The following NCOA1 variants were observed in gnomAD, a reference collection of about 807,000 sequenced individuals.
NCOA1 encodes the protein Hin-2 protein.
Under a neutral mutation model 150.9 loss-of-function variants are expected in NCOA1, and 35 were observed. The ratio of observed to expected loss-of-function variants is 0.23; its 90% CI spans 0.18 to 0.31. The LOEUF is 0.31. NCOA1 is among the 10% of genes least tolerant of loss of function. NCOA1 has a pLI of 1.00. For missense variants in NCOA1, 1,491 were observed against 1,749.3 expected, an observed-to-expected ratio of 0.85 and a Z score of 2.63; for synonymous variants, 590 against 630.0, an observed-to-expected ratio of 0.94 and a Z score of 0.95.
intron 19 of NCOA1, among the ~76,000 whole-genome samples, chr2:24,745,518 T>C (rs778616678): frequency 5.3e-5 from 8 of 152,198 alleles, no homozygotes; most frequent in Non-Finnish European, 1.0e-4. Flanking sequence ...TTGGTTTCTT[T>C]AGTGTATCTG....
intron 1 of NCOA1, among the ~76,000 whole-genome samples, chr2:24,543,521 G>A (rs1665485269): frequency 1.3e-5 from 2 of 152,042 alleles, no homozygotes. Context: ...TGAGTTTCTA[G>A]TCTAGCAAGG....
At chr2:24,601,850 G>A (rs530378435) in intron 3 of NCOA1, among the ~76,000 whole-genome samples, 1 of 152,002 alleles carries the variant, frequency 6.6e-6, no homozygotes, top group African/African-American at 2.4e-5. Context: ...TGCCCAGGCT[G>A]GTCGTAAACT....
chr2:24,643,035 A>T (rs1267484041), intron 3 of NCOA1, among the ~76,000 whole-genome samples: 4 of 152,320 alleles, frequency 2.6e-5, no homozygotes, highest in East Asian at 1.9e-4. Context: ...GTGAATCTCA[A>T]TTGTGGTGTA....
At chr2:24,632,283 A>G (rs1669741638) in intron 3 of NCOA1, among the ~76,000 whole-genome samples, 1 of 152,182 alleles carries the variant, frequency 6.6e-6, no homozygotes, top group Non-Finnish European at 1.5e-5. Flanking sequence ...TTGGACTGAT[A>G]CTGGTGAATC....
chr2:24,666,891 A>G (rs1256116358), intron 6 of NCOA1, among the ~76,000 whole-genome samples: 1 of 152,122 alleles, frequency 6.6e-6, no homozygotes, highest in African/African-American at 2.4e-5. Context: ...TATTTACTGG[A>G]ACCCCATACC....
chr2:24,718,619 G>GA (rs1674178172), intron 14 of NCOA1, among the ~76,000 whole-genome samples: 1 of 151,058 alleles, frequency 6.6e-6, no homozygotes, highest in Non-Finnish European at 1.5e-5. Flanking sequence ...ATCACTTGAG[G>GA]TCAGGAGTTC....
chr2:24,546,133 T>C (rs1665597882), intron 1 of NCOA1, among the ~76,000 whole-genome samples: 2 of 151,948 alleles, frequency 1.3e-5, no homozygotes. Flanking sequence ...ATTTAGTGTC[T>C]ATCAAAAGTT....
intron 1 of NCOA1, among the ~76,000 whole-genome samples, chr2:24,544,428 CT>C (rs1241363548): frequency 1.3e-5 from 2 of 152,074 alleles, no homozygotes; most frequent in Non-Finnish European, 2.9e-5. Context: ...GGTCAAGGAT[CT>C]TAGGAACACG....
chr2:24,499,271 A>G (rs1663355958), intron 1 of NCOA1, among the ~76,000 whole-genome samples: 1 of 152,136 alleles, frequency 6.6e-6, no homozygotes, highest in South Asian at 2.1e-4. Context: ...ACTGTTTTAT[A>G]TATTGTTACT....
chr2:24,705,070 C>G lies in NCOA1; in HGVS notation c.950-16C>G, dbSNP rs13397306. The G allele has an allele frequency of 6.2e-7, 1 of 1,607,904 alleles. No homozygotes were observed. On this transcript the variant is annotated splice_polypyrimidine_tract_variant and intron_variant, in intron 11 of 22. Transcript: ENST00000348332. ...GTATCAGAATTTTAACTAGGTTTCTCTTCTGTTTGAAACAGTGATGACTCG... is the reference window on the plus strand; with the variant it reads ...GTATCAGAATTTTAACTAGGTTTCTGTTCTGTTTGAAACAGTGATGACTCG...
rs70947825 is a variant in NCOA1, at chr2:24,523,924, CAAAAAAAAAAA to C, written c.-396+32341_-396+32351del. ...CTGGCAACAGAGTGGGACTCTGTCT[CAAAAAAAAAAA>C]AAAAAAAAAAAAAAAAAAGAAACTG... On this transcript the variant is annotated intron_variant, in intron 1 of 22. Transcript: ENST00000348332. Among the ~76,000 whole-genome samples the C allele has an allele frequency of 1.0e-3, 50 of 49,538 alleles. 1 individual carries two copies. In the Admixed American group the frequency reaches 0.011, roughly 11 times the overall value. The allele number at this position is 49,538 out of a possible 152,430, so 32.5% of individuals were successfully genotyped here.
chr2:24,532,639 A>C (rs536255520), intron 1 of NCOA1, among the ~76,000 whole-genome samples: 9 of 152,218 alleles, frequency 5.9e-5, no homozygotes, highest in African/African-American at 2.2e-4. Context: ...ATAAGGTATA[A>C]GGAAGGGATC....
intron 3 of NCOA1, among the ~76,000 whole-genome samples, chr2:24,596,743 T>C (rs930359720): frequency 2.1e-4 from 32 of 152,196 alleles, no homozygotes; most frequent in Non-Finnish European, 7.4e-5. Context: ...TGTGTATACT[T>C]AAGATGATTT....
At chr2:24,516,216 G>A (rs1572370888) in intron 1 of NCOA1, among the ~76,000 whole-genome samples, 1 of 123,926 alleles carries the variant, frequency 8.1e-6, no homozygotes, top group Non-Finnish European at 1.6e-5. Flanking sequence ...TTTTTGAGAC[G>A]GAGCCTCGCT....
At chr2:24,712,786 T>C (rs1180554025) in intron 14 of NCOA1, among the ~76,000 whole-genome samples, 2 of 152,018 alleles carry the variant, frequency 1.3e-5, no homozygotes, top group Non-Finnish European at 2.9e-5. Flanking sequence ...ATCCAACTTT[T>C]TTTTTTAATG....
chr2:24,711,387 C>T, intron 14 of NCOA1: 1 of 253,732 alleles, frequency 3.9e-6, no homozygotes, highest in South Asian at 1.0e-4. Flanking sequence ...CACCCCATAA[C>T]AGGACTTTCA....
At chr2:24,566,844 G>A (rs144799225) in intron 2 of NCOA1, among the ~76,000 whole-genome samples, 1 of 152,370 alleles carries the variant, frequency 6.6e-6, no homozygotes, top group Non-Finnish European at 1.5e-5. Flanking sequence ...TGGAGCAGGC[G>A]CTGGGAGCAG....
rs73920091 is a variant in NCOA1, at chr2:24,546,862, G to A, written c.-395-17433G>A. 9.0e-3 allele frequency among the ~76,000 whole-genome samples: 1,366 copies of A among 152,294 alleles called. 27 individuals carry two copies. The highest frequency in any genetic ancestry group is 0.031 in the African/African-American group (1,295 of 41,550). On this transcript the variant is annotated intron_variant, in intron 1 of 22. Coordinates refer to ENST00000348332, the MANE Select transcript of NCOA1 (RefSeq NM_003743.5). Reference sequence around the variant, plus strand: ...CCACATGGCATCTCCTCAGCATTGTGGTGTCAGAGTAGTTGGATTTCTCAC... The same window carrying A: ...CCACATGGCATCTCCTCAGCATTGTAGTGTCAGAGTAGTTGGATTTCTCAC...
At chr2:24,655,761 G>C (rs1670911295) in intron 4 of NCOA1, among the ~76,000 whole-genome samples, 1 of 152,134 alleles carries the variant, frequency 6.6e-6, no homozygotes, top group South Asian at 2.1e-4. Flanking sequence ...CTTGGTAAAG[G>C]AGAATATGAA....
Sources: allele counts gnomAD v4.1 joint callset (sites outside exome capture counted in the v4.1 genomes callset), GRCh38; gene constraint gnomAD v4.1.1; transcripts MANE v1.5; gene names NCBI Gene and HGNC (gene_info 2026-07-23, HGNC 2026-07-21).